Variants in PSD3 observed in about 807,000 individuals in gnomAD.
PSD3 encodes pleckstrin and Sec7 domain containing 3.
A neutral mutation model predicts 105.5 loss-of-function variants in PSD3; 49 were observed. The observed-to-expected ratio is 0.46, with a 90% CI of 0.37 to 0.59. The LOEUF is 0.59. PSD3 is among the 20% of genes least tolerant of loss of function. PSD3 has a pLI of 0.00. For synonymous variants in PSD3, 557 were observed against 457.8 expected (o/e 1.22, Z -2.77); for missense variants, 1,561 against 1,263.8 (o/e 1.24, Z -3.57).
At chr8:18,654,766 A>G (rs1387324799) in intron 10 of PSD3, among the ~76,000 whole-genome samples, 1 of 152,182 alleles carries the variant, frequency 6.6e-6, no homozygotes, top group East Asian at 1.9e-4. Flanking sequence ...AAGTTTAAAT[A>G]AAATAGCTTT....
At chr8:18,702,735 C>T (rs971681072) in intron 9 of PSD3, among the ~76,000 whole-genome samples, 1 of 151,962 alleles carries the variant, frequency 6.6e-6, no homozygotes, top group African/African-American at 2.4e-5. Context: ...GCCTCAGCCT[C>T]CCGAGTAGCT....
chr8:18,862,793 G>A (rs1336018233), intron 4 of PSD3, among the ~76,000 whole-genome samples: 2 of 151,354 alleles, frequency 1.3e-5, no homozygotes, highest in African/African-American at 4.9e-5. Flanking sequence ...CTTCCTAAGC[G>A]GACAAACAAT....
At chr8:18,561,423 T>C (rs148329146) in intron 14 of PSD3, among the ~76,000 whole-genome samples, 116 of 152,176 alleles carry the variant, frequency 7.6e-4, no homozygotes, top group South Asian at 1.5e-3. Context: ...TCTAAAACAA[T>C]TGAACTCATA....
At chr8:18,847,726 A>C (rs1183294703) in intron 4 of PSD3, among the ~76,000 whole-genome samples, 1 of 152,190 alleles carries the variant, frequency 6.6e-6, no homozygotes, top group Non-Finnish European at 1.5e-5. Flanking sequence ...CTGGGGCCAG[A>C]GCCAAAGTCT....
At chr8:18,954,321 T>C (rs570391227) in intron 1 of PSD3, among the ~76,000 whole-genome samples, 18 of 152,332 alleles carry the variant, frequency 1.2e-4, no homozygotes, top group Middle Eastern at 3.4e-3. Context: ...TCAGTAATGC[T>C]TTAAATTTCT....
chr8:18,595,805 G>C (rs775335976), intron 12 of PSD3, among the ~76,000 whole-genome samples: 12 of 151,946 alleles, frequency 7.9e-5, no homozygotes, highest in Non-Finnish European at 1.5e-4. Flanking sequence ...ATTAACAATA[G>C]TAGGAGATTT....
chr8:18,592,171 T>C (rs1803661154), intron 12 of PSD3, among the ~76,000 whole-genome samples: 1 of 151,964 alleles, frequency 6.6e-6, no homozygotes, highest in African/African-American at 2.4e-5. Context: ...AAAATGAGAA[T>C]ATCAACAAAG....
intron 2 of PSD3, among the ~76,000 whole-genome samples, chr8:18,931,228 T>C (rs377234972): frequency 1.4e-4 from 22 of 152,222 alleles, no homozygotes; most frequent in African/African-American, 4.8e-4. Flanking sequence ...ACAATGTCAA[T>C]AGTCAAACTG....
intron 8 of PSD3, chr8:18,774,425 T>C (rs1272790704): frequency 1.8e-5 from 3 of 164,930 alleles, no homozygotes; most frequent in African/African-American, 7.2e-5. Context: ...CAAATTATTG[T>C]TAACTATAGT....
chr8:18,947,177 G>A (rs189110480), intron 1 of PSD3, among the ~76,000 whole-genome samples: 25 of 152,136 alleles, frequency 1.6e-4, no homozygotes, highest in African/African-American at 2.7e-4. Flanking sequence ...AGAGCTTCAC[G>A]GACAAAACAG....
At chr8:18,623,596 C>A (rs1199490055) in intron 11 of PSD3, among the ~76,000 whole-genome samples, 3 of 148,006 alleles carry the variant, frequency 2.0e-5, no homozygotes, top group Non-Finnish European at 4.4e-5. Flanking sequence ...GCTACAATTG[C>A]ATGTACCACT....
intron 1 of PSD3, among the ~76,000 whole-genome samples, chr8:18,946,510 G>A (rs1822864519): frequency 6.6e-6 from 1 of 152,154 alleles, no homozygotes; most frequent in South Asian, 2.1e-4. Flanking sequence ...GAGTCCAGAA[G>A]GTTGAGGCTG....
intron 11 of PSD3, among the ~76,000 whole-genome samples, chr8:18,607,093 C>T (rs764606099): frequency 2.6e-5 from 4 of 152,122 alleles, no homozygotes; most frequent in African/African-American, 4.8e-5. Flanking sequence ...GTCTGCTACT[C>T]CTGTGAGGTG....
intron 12 of PSD3, among the ~76,000 whole-genome samples, chr8:18,575,756 T>C (rs1430174614): frequency 1.3e-5 from 2 of 152,198 alleles, no homozygotes; most frequent in Admixed American, 6.5e-5. Context: ...ATATTACATG[T>C]TCCTGTTACT....
At chr8:19,019,470 A>G (rs1827291509) in intron 1 of PSD3, among the ~76,000 whole-genome samples, 1 of 152,212 alleles carries the variant, frequency 6.6e-6, no homozygotes. Flanking sequence ...ATTTTCAATA[A>G]GCGGGCTGCC....
At chr8:18,870,791 T>C (rs1393747654) in intron 3 of PSD3, among the ~76,000 whole-genome samples, 1 of 152,012 alleles carries the variant, frequency 6.6e-6, no homozygotes, top group Non-Finnish European at 1.5e-5. Flanking sequence ...TCTGACCCCC[T>C]GAGATGTCAT....
At position 19,069,951 on chromosome 8, in the gene PSD3, T is replaced by C. The variant is rs1205383862; in HGVS notation, c.324+14255A>G. Among the ~76,000 whole-genome samples the C allele has an allele frequency of 3.8e-4, 5 of 13,194 alleles. No homozygotes were observed. In the Non-Finnish European group the frequency reaches 3.9e-3, roughly 10 times the overall value. The allele number at this position is 13,194 out of a possible 152,430, so 8.7% of individuals were successfully genotyped here. A position where few individuals can be genotyped will look rare whatever the true frequency, so the allele number is the denominator to read the frequency against. On this transcript the variant is annotated intron_variant, in intron 1 of 1. Coordinates refer to the PSD3 transcript ENST00000521475. ...ATCTCAAAAAGCTTTTCTTTTTTCT[T>C]TTTTTTTTTTTTGAGACAGAGTCTT...
At chr8:18,731,283 C>T (rs1803731527) in intron 9 of PSD3, among the ~76,000 whole-genome samples, 1 of 152,100 alleles carries the variant, frequency 6.6e-6, no homozygotes, top group African/African-American at 2.4e-5. Context: ...AAACCTTCTT[C>T]ATCACATAGC....
At chr8:18,805,333 T>A (rs1177324781) in intron 4 of PSD3, among the ~76,000 whole-genome samples, 1 of 152,220 alleles carries the variant, frequency 6.6e-6, no homozygotes, top group Non-Finnish European at 1.5e-5. Context: ...ACAAATTTCT[T>A]TAACAGCTGG....
Sources: allele counts gnomAD v4.1 joint callset (sites outside exome capture counted in the v4.1 genomes callset), GRCh38; gene constraint gnomAD v4.1.1; transcripts MANE v1.5; gene names NCBI Gene and HGNC (gene_info 2026-07-23, HGNC 2026-07-21).